LYRM7: variants seen among roughly 807,000 people sequenced by gnomAD.
The protein encoded by LYRM7 is LYR motif containing 7, also known as complex III assembly factor LYRM7.
In LYRM7, 9 loss-of-function variants were observed where a neutral mutation model predicts 15.8. That is an observed-to-expected ratio of 0.57 (90% CI 0.34 to 0.99). The LOEUF is 0.99. Among genes scored for constraint, LYRM7 ranks in the 50% least tolerant of loss-of-function variants. LYRM7 has a pLI of 0.02. For missense variants in LYRM7, 115 were observed against 119.1 expected (o/e 0.97, Z 0.16); for synonymous variants, 39 against 39.4 (o/e 0.99, Z 0.04).
intron 4 of LYRM7, among the ~76,000 whole-genome samples, chr5:131,197,098 A>G (rs759234174): frequency 6.6e-6 from 1 of 152,216 alleles, no homozygotes; most frequent in Non-Finnish European, 1.5e-5. Flanking sequence ...ATTCTCCCAT[A>G]AAAGTCTTGT....
chr5:131,174,149 C>T (rs994660032), intron 1 of LYRM7, among the ~76,000 whole-genome samples: 7 of 152,246 alleles, frequency 4.6e-5, no homozygotes, highest in African/African-American at 1.7e-4. Flanking sequence ...ACAATGTTTA[C>T]AGCATCTTCA....
In LYRM7 at chr5:131,180,197, A is replaced by G. The variant is rs531828296; in HGVS notation, c.91+30A>G. On this transcript the variant is annotated intron_variant, in intron 2 of 4. Coordinates refer to ENST00000379380, the MANE Select transcript of LYRM7 (RefSeq NM_181705.4). Reference sequence around the variant, plus strand: ...GTATGTTCTTTACCCCTTTGGAGCCAGTCTACTTTTTAGATAACTACTAAT... The same window carrying G: ...GTATGTTCTTTACCCCTTTGGAGCCGGTCTACTTTTTAGATAACTACTAAT... 6 of 1,522,520 alleles carry G rather than the reference A, an allele frequency of 3.9e-6. No individual in the cohort carries two copies. The South Asian group carries it at 6.8e-5, about 17-fold the overall frequency. 94.3% of individuals were successfully genotyped at this position (1,522,520 alleles called of 1,614,324 possible).
chr5:131,182,509 A>G (rs1207642674), intron 3 of LYRM7, among the ~76,000 whole-genome samples: 1 of 152,198 alleles, frequency 6.6e-6, no homozygotes, highest in African/African-American at 2.4e-5. Context: ...CATCAACAGA[A>G]CATGGAAATA....
chr5:131,189,444 CAAAAAAAA>C lies in LYRM7; in HGVS notation c.244+2355_244+2362del, dbSNP rs71000976. On this transcript the variant is annotated intron_variant, in intron 4 of 4. Coordinates refer to ENST00000379380, the MANE Select transcript of LYRM7 (RefSeq NM_181705.4). The stretch of plus-strand genomic sequence containing the variant: ...GGCAACAGAGCAAGACTCCGTCTCC[CAAAAAAAA>C]AAAAAAAAAAAAAAAAAAAGCTATA... Among the ~76,000 whole-genome samples, 854 of 46,158 alleles carry C rather than the reference CAAAAAAAA, an allele frequency of 0.019. 35 individuals are homozygous for C. The Admixed American group carries it at 0.21, about 11-fold the overall frequency. The allele number at this position is 46,158 out of a possible 152,430, so 30.3% of individuals were successfully genotyped here. A position where few individuals can be genotyped will look rare whatever the true frequency, so the allele number is the denominator to read the frequency against.
At chr5:131,181,488 G>A (rs1003563048) in intron 2 of LYRM7, among the ~76,000 whole-genome samples, 2 of 129,412 alleles carry the variant, frequency 1.5e-5, no homozygotes, top group African/African-American at 6.0e-5. Context: ...ACATATATAT[G>A]TATATATACA....
Position 131,182,217 on chromosome 5 carries a change from T to A in LYRM7, c.92-12T>A. On this transcript the variant is annotated splice_polypyrimidine_tract_variant and intron_variant, in intron 2 of 4. Coordinates refer to ENST00000379380, the MANE Select transcript of LYRM7 (RefSeq NM_181705.4). ...CAAAAGCGAATAACTATATGTATTT[T>A]TCTCTTTGTAGCAGCCAGAATAAAG... 1.4e-6 allele frequency: 2 copies of A among 1,413,182 alleles called. No homozygotes were observed. Among genetic ancestry groups the A allele is most frequent in the South Asian group, 2.6e-5 (2 of 78,238 alleles). 87.5% of individuals were successfully genotyped at this position (1,413,182 alleles called of 1,614,324 possible). A position where few individuals can be genotyped will look rare whatever the true frequency, so the allele number is the denominator to read the frequency against.
In LYRM7 at chr5:131,182,303, C is replaced by A; in HGVS notation, c.162+4C>A. On this transcript the variant is annotated splice_donor_region_variant and intron_variant, in intron 3 of 4. Transcript: ENST00000379380. ...TTCTTCTAAGAAAATAGAAGAGGTA[C>A]AGTAATTTTTTCAATTATAGTAAAA... is the stretch of plus-strand genomic sequence containing the variant. 1 of 1,384,784 alleles carries A rather than the reference C, an allele frequency of 7.2e-7. No homozygotes were observed. Among genetic ancestry groups the A allele is most frequent in the Non-Finnish European group, 9.7e-7 (1 of 1,030,002 alleles). The allele number at this position is 1,384,784 out of a possible 1,614,324, so 85.8% of individuals were successfully genotyped here. A position where few individuals can be genotyped will look rare whatever the true frequency, so the allele number is the denominator to read the frequency against.
At chr5:131,197,427 A>T (rs939179528) in intron 4 of LYRM7, among the ~76,000 whole-genome samples, 1 of 152,106 alleles carries the variant, frequency 6.6e-6, no homozygotes. Flanking sequence ...CAGTAAGCCA[A>T]ATTTATCATC....
intron 3 of LYRM7, among the ~76,000 whole-genome samples, chr5:131,182,647 C>T (rs1755732707): frequency 6.6e-6 from 1 of 152,206 alleles, no homozygotes; most frequent in South Asian, 2.1e-4. Flanking sequence ...GAGGAAACTT[C>T]TACTCTTAAC....
intron 4 of LYRM7, among the ~76,000 whole-genome samples, chr5:131,187,724 G>T (rs1755820340): frequency 6.6e-6 from 1 of 151,952 alleles, no homozygotes; most frequent in African/African-American, 2.4e-5. Context: ...GACCTCAGGT[G>T]ATCCACCTGC....
At chr5:131,196,221 A>G (rs956510299) in intron 4 of LYRM7, among the ~76,000 whole-genome samples, 28 of 149,030 alleles carry the variant, frequency 1.9e-4, no homozygotes, top group African/African-American at 7.0e-4. Flanking sequence ...CTCATGCCTC[A>G]CACCTCCTGA....
intron 2 of LYRM7, among the ~76,000 whole-genome samples, chr5:131,181,316 T>TATATATATATATATATAC (rs1208669077): frequency 0.1 from 2,695 of 26,958 alleles, 483 homozygotes; most frequent in Non-Finnish European, 0.17. Flanking sequence ...TATATATATA[T>TATATATATATATATATAC]ACACACACAC....
chr5:131,181,302 A>AAAAAAAATATATATATAT (rs1554089865), intron 2 of LYRM7, among the ~76,000 whole-genome samples: 1 of 8,774 alleles, frequency 1.1e-4, no homozygotes, highest in Non-Finnish European at 3.3e-4. Flanking sequence ...AAAAAAAAAA[A>AAAAAAAATATATATATAT]ATATATATAT....
chr5:131,181,456 CA>C (rs1378106945), intron 2 of LYRM7, among the ~76,000 whole-genome samples: 1 of 118,010 alleles, frequency 8.5e-6, no homozygotes, highest in Non-Finnish European at 1.6e-5. Context: ...ATATATAAAA[CA>C]TATATATGTA....
chr5:131,187,739 G>C (rs1755820561), intron 4 of LYRM7, among the ~76,000 whole-genome samples: 1 of 151,900 alleles, frequency 6.6e-6, no homozygotes, highest in Non-Finnish European at 1.5e-5. Flanking sequence ...ACCTGCTTCA[G>C]CCCCCCAAAG....
chr5:131,193,958 G>C (rs943046025), intron 4 of LYRM7, among the ~76,000 whole-genome samples: 4 of 151,978 alleles, frequency 2.6e-5, no homozygotes, highest in African/African-American at 9.7e-5. Context: ...GCAGTGAGCC[G>C]AGATTGCGCC....
chr5:131,175,016 C>CT (rs1370452225), intron 1 of LYRM7, among the ~76,000 whole-genome samples: 3 of 151,428 alleles, frequency 2.0e-5, no homozygotes, highest in South Asian at 2.1e-4. Flanking sequence ...TGAAAGGAAT[C>CT]TTTTTTTTTC....
chr5:131,191,185 A>G (rs957371311), intron 4 of LYRM7, among the ~76,000 whole-genome samples: 1 of 151,792 alleles, frequency 6.6e-6, no homozygotes, highest in Admixed American at 6.6e-5. Flanking sequence ...ATACACACAT[A>G]TATATACATA....
Position 131,200,466 on chromosome 5 carries a change from CT to C in LYRM7, c.*866del, listed in dbSNP as rs1202302853. ...ACAAAAGGTCCTGGCATTCTACCATCTAACACTAGGAACTGTAAAATACTGT... is the reference window on the plus strand; with the variant it reads ...ACAAAAGGTCCTGGCATTCTACCATCAACACTAGGAACTGTAAAATACTGT... On this transcript the variant is annotated 3_prime_UTR_variant, in exon 5 of 5. Coordinates refer to ENST00000379380, the MANE Select transcript of LYRM7 (RefSeq NM_181705.4). 1 of 152,374 alleles carries C rather than the reference CT, an allele frequency of 6.6e-6. No individual in the cohort carries two copies. The highest frequency in any genetic ancestry group is 2.4e-5 in the African/African-American group (1 of 41,468). 9.4% of individuals were successfully genotyped at this position (152,374 alleles called of 1,614,324 possible). A position where few individuals can be genotyped will look rare whatever the true frequency, so the allele number is the denominator to read the frequency against.
Sources: allele counts gnomAD v4.1 joint callset (sites outside exome capture counted in the v4.1 genomes callset), GRCh38; gene constraint gnomAD v4.1.1; transcripts MANE v1.5; gene names NCBI Gene and HGNC (gene_info 2026-07-23, HGNC 2026-07-21).